SHCBP1L: variants seen among roughly 807,000 people sequenced by gnomAD.
The protein encoded by SHCBP1L is testicular spindle-associated protein SHCBP1L.
Under a neutral mutation model 62.5 loss-of-function variants are expected in SHCBP1L, and 67 were observed. That is an observed-to-expected ratio of 1.07 (90% CI 0.88 to 1.31). The LOEUF (loss-of-function observed/expected upper bound fraction) is 1.31. Ranked by LOEUF, SHCBP1L falls within the 40% of genes most tolerant of loss-of-function variation. The pLI, the probability that SHCBP1L is intolerant of heterozygous loss-of-function variation, is 0.00. For synonymous variants in SHCBP1L, 284 were observed against 289.4 expected (o/e 0.98, Z 0.19); for missense variants, 823 against 809.8 (o/e 1.02, Z -0.20).
intron 6 of SHCBP1L, among the ~76,000 whole-genome samples, chr1:182,906,045 T>C (rs58427436): frequency 0.23 from 35,555 of 151,812 alleles, 7,299 homozygotes; most frequent in African/African-American, 0.55. Context: ...AGCGATTCTC[T>C]TGCCTCAGCC....
Position 182,952,728 on chromosome 1 carries a change from C to T in SHCBP1L, c.405+1G>A. 1.2e-6 allele frequency: 2 copies of T among 1,603,900 alleles called. No individual in the cohort carries two copies. Among genetic ancestry groups the T allele is most frequent in the Non-Finnish European group, 1.7e-6 (2 of 1,175,832 alleles). ...AGTCTTCCTGTCCCGGATCCGCTCA[C>T]CTTACAGTCCTGCAGCACTTCGTCG... On this transcript the variant is annotated splice_donor_variant, in intron 1 of 9. Coordinates refer to ENST00000367547, the MANE Select transcript of SHCBP1L (RefSeq NM_030933.4). LOFTEE classifies it high-confidence loss of function.
intron 1 of SHCBP1L, chr1:182,951,893 GC>G: frequency 2.8e-6 from 1 of 360,612 alleles, no homozygotes; most frequent in South Asian, 2.0e-5. Context: ...GGTGGCTCAT[GC>G]CTGTAATCCC....
At chr1:182,925,842 T>C (rs112519186) in intron 6 of SHCBP1L, among the ~76,000 whole-genome samples, 1 of 152,224 alleles carries the variant, frequency 6.6e-6, no homozygotes, top group African/African-American at 2.4e-5. Flanking sequence ...AAGCAGATCA[T>C]TGTATATACA....
chr1:182,930,939 T>G (rs1650979498), intron 5 of SHCBP1L, among the ~76,000 whole-genome samples: 2 of 146,706 alleles, frequency 1.4e-5, no homozygotes, highest in Non-Finnish European at 3.0e-5. Context: ...TTGCCCAAGC[T>G]GGTCTTGAAC....
At chr1:182,942,431 TGCCTGCGGGCCGTGGCGCGCCGAGA>T in intron 2 of SHCBP1L, 1 of 695,634 alleles carries the variant, frequency 1.4e-6, no homozygotes, top group Non-Finnish European at 2.7e-6. Flanking sequence ...GCGTGCCGGG[TGCCTGCGGGCCGTGGCGCGCCGAGA>T]GCCTCCGCGA....
chr1:182,912,630 C>T (rs544014611), intron 6 of SHCBP1L, among the ~76,000 whole-genome samples: 1 of 151,946 alleles, frequency 6.6e-6, no homozygotes, highest in East Asian at 2.0e-4. Context: ...TCAAGTGATT[C>T]TCCTGCCTCA....
chr1:182,918,322 G>A (rs1650425852), intron 6 of SHCBP1L, among the ~76,000 whole-genome samples: 1 of 151,096 alleles, frequency 6.6e-6, no homozygotes, highest in Admixed American at 6.6e-5. Flanking sequence ...GTTGAAGGAT[G>A]CAAAATCAGA....
intron 6 of SHCBP1L, among the ~76,000 whole-genome samples, chr1:182,909,978 C>T (rs1156306971): frequency 6.6e-6 from 1 of 152,098 alleles, no homozygotes; most frequent in Non-Finnish European, 1.5e-5. Flanking sequence ...TTTTTCTCTG[C>T]AAGGTAAGAA....
chr1:182,941,932 TAAAAA>T (rs900993407), intron 2 of SHCBP1L, among the ~76,000 whole-genome samples: 1 of 151,802 alleles, frequency 6.6e-6, no homozygotes, highest in Non-Finnish European at 1.5e-5. Context: ...TTTCACCTCT[TAAAAA>T]AAAGCATTTA....
chr1:182,930,689 G>A (rs1333633054), intron 5 of SHCBP1L, among the ~76,000 whole-genome samples: 17 of 77,422 alleles, frequency 2.2e-4, no homozygotes, highest in African/African-American at 1.1e-3. Flanking sequence ...GTGTGTGTGT[G>A]TGTGTGTGTG....
intron 6 of SHCBP1L, among the ~76,000 whole-genome samples, chr1:182,909,590 A>G (rs1292617659): frequency 1.3e-5 from 2 of 152,214 alleles, no homozygotes; most frequent in African/African-American, 4.8e-5. Flanking sequence ...ATTTTTTTCA[A>G]CCAAACACAC....
chr1:182,905,349 T>G, intron 7 of SHCBP1L, 147 bp downstream of exon 7: 1 of 827,404 alleles, frequency 1.2e-6, no homozygotes, highest in Non-Finnish European at 1.8e-6. Flanking sequence ...ATGACGAACA[T>G]GTCTTAATTA....
At chr1:182,901,958 GA>G (rs1649852913) in intron 9 of SHCBP1L, among the ~76,000 whole-genome samples, 1 of 151,190 alleles carries the variant, frequency 6.6e-6, no homozygotes, top group South Asian at 2.1e-4. Context: ...CTGAAAAACT[GA>G]AAAATATTTA....
rs371035141 is a variant in SHCBP1L, at chr1:182,929,639, T to G, written c.1182+8A>C. ...TTAAATAACAAATAAGAATAGTTTATTTCTTACCATTTCAGTAGTCATCAT... is the reference window on the plus strand; with the variant it reads ...TTAAATAACAAATAAGAATAGTTTAGTTCTTACCATTTCAGTAGTCATCAT... On this transcript the variant is annotated splice_region_variant and intron_variant, in intron 6 of 9. Transcript: ENST00000367547. 8.4e-5 allele frequency: 126 copies of G among 1,499,640 alleles called. 1 individual carries two copies. The African/African-American group carries it at 1.7e-3, about 20-fold the overall frequency. 92.9% of individuals were successfully genotyped at this position (1,499,640 alleles called of 1,614,324 possible).
intron 5 of SHCBP1L, among the ~76,000 whole-genome samples, chr1:182,935,549 C>T (rs1651138840): frequency 6.6e-6 from 1 of 152,028 alleles, no homozygotes; most frequent in Non-Finnish European, 1.5e-5. Context: ...AGTTTTGTTC[C>T]TTTTTGATTC....
At chr1:182,951,489 C>T (rs755423769) in intron 1 of SHCBP1L, 22 bp from the exon 2 acceptor site, 2 of 1,497,766 alleles carry the variant, frequency 1.3e-6, no homozygotes, top group South Asian at 2.8e-5. Flanking sequence ...AAAAATGGAT[C>T]TACATATAAA....
chr1:182,921,687 C>A (rs1650533883), intron 6 of SHCBP1L, among the ~76,000 whole-genome samples: 1 of 152,184 alleles, frequency 6.6e-6, no homozygotes, highest in African/African-American at 2.4e-5. Context: ...AGGTGGATCA[C>A]CTGAGGTCAG....
In SHCBP1L at chr1:182,953,097, A is replaced by G; in HGVS notation, c.37T>C (p.Ser13Pro). The stretch of plus-strand genomic sequence containing the variant: ...CTGTCCGGGCTGATGGTGCGGAATG[A>G]GTCCGCGGGCACCGAGGCCTTGGAG... ...SGSKASVPAD[S>P]FRTISPDRRG... Residue 13 changes from serine (S) to proline (P), a missense_variant, in exon 1 of 10, where the codon TCA (serine) becomes CCA (proline). Coordinates refer to ENST00000367547, the MANE Select transcript of SHCBP1L (RefSeq NM_030933.4). 1 of 1,571,084 alleles carries G rather than the reference A, an allele frequency of 6.4e-7. No individual in the cohort carries two copies. Among genetic ancestry groups the G allele is most frequent in the Non-Finnish European group, 8.6e-7 (1 of 1,166,244 alleles).
chr1:182,952,669 G>A, intron 1 of SHCBP1L, 60 bp downstream of exon 1: 1 of 1,524,384 alleles, frequency 6.6e-7, no homozygotes, highest in Non-Finnish European at 8.8e-7. Context: ...AGCCCCAGAT[G>A]CCTGTCCCCA....
Sources: gnomAD v4.1 joint callset for allele counts (sites outside exome capture counted in the v4.1 genomes callset) on GRCh38, gnomAD v4.1.1 for gene constraint, MANE v1.5 for transcripts, NCBI Gene and HGNC (gene_info 2026-07-23, HGNC 2026-07-21) for gene names.